HMGA2: variants seen among roughly 807,000 people sequenced by gnomAD.
The protein encoded by HMGA2 is high mobility group protein HMGI-C.
A neutral mutation model predicts 19.1 loss-of-function variants in HMGA2; 8 were observed. That is an observed-to-expected ratio of 0.42 (90% confidence interval 0.25 to 0.76). The LOEUF (loss-of-function observed/expected upper bound fraction) is 0.76, where lower values mean the gene tolerates loss of function less well. Ranked by LOEUF, HMGA2 falls within the 30% of genes least tolerant of loss-of-function variation. The pLI, the probability that HMGA2 is intolerant of heterozygous loss-of-function variation, is 0.28. For missense variants in HMGA2, 109 were observed against 136.3 expected, an observed-to-expected ratio of 0.80 and a Z score of 1.00; for synonymous variants, 60 against 48.8, an observed-to-expected ratio of 1.23 and a Z score of -0.96.
intron 3 of HMGA2, among the ~76,000 whole-genome samples, chr12:65,938,588 C>T (rs1363696732): frequency 1.3e-5 from 2 of 152,136 alleles, no homozygotes; most frequent in African/African-American, 2.4e-5. Flanking sequence ...TAACAACTCC[C>T]TTATTAGAGA....
At chr12:65,881,669 G>A (rs1299282356) in intron 3 of HMGA2, 9 of 690,056 alleles carry the variant, frequency 1.3e-5, no homozygotes, top group Non-Finnish European at 1.9e-5. Flanking sequence ...AGAGAGAGGG[G>A]AGAAATATGA....
At position 65,825,251 on chromosome 12, in the gene HMGA2, T is replaced by C. The variant is rs953990628; in HGVS notation, c.-20T>C. The C allele has an allele frequency of 1.6e-5, 25 of 1,522,382 alleles. No homozygotes were observed. Among genetic ancestry groups the C allele is most frequent in the Non-Finnish European group, 1.8e-5 (20 of 1,139,270 alleles). The allele number at this position is 1,522,382 out of a possible 1,614,324, so 94.3% of individuals were successfully genotyped here. A position where few individuals can be genotyped will look rare whatever the true frequency, so the allele number is the denominator to read the frequency against. On this transcript the variant is annotated 5_prime_UTR_variant, in exon 1 of 5. Coordinates refer to ENST00000403681, the MANE Select transcript of HMGA2 (RefSeq NM_003483.6). This position sits in a 1 kb window ranked among gnomAD's most constrained non-coding sequence, Gnocchi z 4.4. ...CGAGGCGAAGCGGCTGCAGCGGCGG[T>C]AGCGGCGGCGGGAGGCAGGATGAGC...
chr12:65,906,652 T>C (rs1874603889), intron 3 of HMGA2, among the ~76,000 whole-genome samples: 1 of 152,080 alleles, frequency 6.6e-6, no homozygotes, highest in African/African-American at 2.4e-5. Flanking sequence ...ATATTTTTGT[T>C]TGATGCTGAT....
intron 3 of HMGA2, among the ~76,000 whole-genome samples, chr12:65,845,995 T>TG (rs968814272): frequency 1.3e-5 from 2 of 152,104 alleles, no homozygotes; most frequent in African/African-American, 4.8e-5. Context: ...CTCCACCAGA[T>TG]GGGGGGCAGG....
chr12:65,892,209 G>A (rs1003200180), intron 3 of HMGA2, among the ~76,000 whole-genome samples: 2 of 152,160 alleles, frequency 1.3e-5, no homozygotes, highest in Non-Finnish European at 2.9e-5. Context: ...GATTCATACT[G>A]TACTCTCAAA....
chr12:65,850,488 A>G (rs1247918922), intron 3 of HMGA2, among the ~76,000 whole-genome samples: 1 of 152,040 alleles, frequency 6.6e-6, no homozygotes, highest in Non-Finnish European at 1.5e-5. Flanking sequence ...GCTTGGCCTT[A>G]CATAGTCACA....
chr12:65,931,272 C>T (rs1260577063), intron 3 of HMGA2, among the ~76,000 whole-genome samples: 1 of 152,116 alleles, frequency 6.6e-6, no homozygotes, highest in Admixed American at 6.5e-5. Flanking sequence ...TTTCTGCCCA[C>T]AGCCATTCTG....
chr12:65,939,741 A>T (rs1180772587), intron 3 of HMGA2, among the ~76,000 whole-genome samples: 1 of 152,240 alleles, frequency 6.6e-6, no homozygotes, highest in Non-Finnish European at 1.5e-5. Flanking sequence ...GGATGGTAAC[A>T]TTCTACAGAA....
In HMGA2 at chr12:65,964,305, G is replaced by A. The variant is rs918988447; in HGVS notation, c.*1013G>A. The A allele has an allele frequency of 1.4e-5, 3 of 214,654 alleles. No individual in the cohort carries two copies. Among genetic ancestry groups the A allele is most frequent in the Admixed American group, 6.0e-5 (1 of 16,678 alleles). The allele number at this position is 214,654 out of a possible 1,614,324, so 13.3% of individuals were successfully genotyped here. A position where few individuals can be genotyped will look rare whatever the true frequency, so the allele number is the denominator to read the frequency against. On this transcript the variant is annotated 3_prime_UTR_variant, in exon 5 of 5. Coordinates refer to ENST00000403681, the MANE Select transcript of HMGA2 (RefSeq NM_003483.6). ...TTAAAAAGCAAAAAAAAAAAAGGGGGGGGCAATCTCTCTCTGTGTCTTTCT... is the reference window on the plus strand; with the variant it reads ...TTAAAAAGCAAAAAAAAAAAAGGGGAGGGCAATCTCTCTCTGTGTCTTTCT...
intron 1 of HMGA2, chr12:65,826,622 A>T (rs1870208344): frequency 6.6e-6 from 1 of 152,112 alleles, no homozygotes; most frequent in Admixed American, 6.5e-5. Flanking sequence ...TCATCAAAGG[A>T]AACAAGCCGA....
At chr12:65,915,598 C>T in intron 3 of HMGA2, 1 of 1,030,412 alleles carries the variant, frequency 9.7e-7, no homozygotes, top group South Asian at 3.7e-5. Context: ...TTGGTATTTT[C>T]CTGTGTCTTT....
chr12:65,925,576 C>T lies in HMGA2; in HGVS notation c.250-25807C>T, dbSNP rs370401457. On this transcript the variant is annotated intron_variant, in intron 3 of 4. Transcript: ENST00000403681. ...TTCCTGTATATCTTTGTGTCTAATA[C>T]GGCACTTCAAACATAGTAGGCATTT... is the stretch of plus-strand genomic sequence containing the variant. Among the ~76,000 whole-genome samples the T allele has an allele frequency of 1.6e-4, 24 of 152,214 alleles. 3 individuals carry two copies. The highest frequency in any genetic ancestry group is 1.2e-3 in the Admixed American group (18 of 15,278).
intron 3 of HMGA2, among the ~76,000 whole-genome samples, chr12:65,889,125 G>A (rs867576861): frequency 6.6e-6 from 1 of 152,108 alleles, no homozygotes. Context: ...TATTAGTTGT[G>A]CCCATTTTAA....
chr12:65,829,036 C>T (rs927366140), intron 2 of HMGA2: 1 of 152,098 alleles, frequency 6.6e-6, no homozygotes, highest in Non-Finnish European at 1.5e-5. Flanking sequence ...AAAATCAGAA[C>T]TAAATTTGGA....
In HMGA2 at chr12:65,846,350, T is replaced by A. The variant is rs553099346; in HGVS notation, c.249+7781T>A. Among the ~76,000 whole-genome samples, 7 of 152,308 alleles carry A rather than the reference T, an allele frequency of 4.6e-5. No individual in the cohort carries two copies. In the South Asian group the frequency reaches 1.2e-3, roughly 27 times the overall value. On this transcript the variant is annotated intron_variant, in intron 3 of 4. Coordinates refer to ENST00000403681, the MANE Select transcript of HMGA2 (RefSeq NM_003483.6). ...TCAGATTCAGAAGAATGGCATCAAA[T>A]CTATGCTTACATTAGACTCAGGTTG...
chr12:65,926,122 G>A (rs1216636211), intron 3 of HMGA2, among the ~76,000 whole-genome samples: 2 of 152,174 alleles, frequency 1.3e-5, no homozygotes, highest in African/African-American at 4.8e-5. Context: ...GCCAACCCCA[G>A]ACAATCAAAA....
chr12:65,829,798 G>A (rs530853700), intron 2 of HMGA2, among the ~76,000 whole-genome samples: 46 of 152,106 alleles, frequency 3.0e-4, no homozygotes, highest in African/African-American at 1.1e-3. Flanking sequence ...AACAAAATTT[G>A]TATTGAGAAA....
chr12:65,903,687 T>A (rs187689478), intron 3 of HMGA2, among the ~76,000 whole-genome samples: 1 of 152,290 alleles, frequency 6.6e-6, no homozygotes, highest in Non-Finnish European at 1.5e-5. Flanking sequence ...AAACACTGTA[T>A]CCGTGGACCT....
In HMGA2 at chr12:65,928,843, C is replaced by T. The variant is rs183824463; in HGVS notation, c.250-22540C>T. Among the ~76,000 whole-genome samples, 355 of 152,146 alleles carry T rather than the reference C, an allele frequency of 2.3e-3. 1 individual carries two copies. The highest frequency in any genetic ancestry group is 3.9e-3 in the Non-Finnish European group (263 of 68,012). On this transcript the variant is annotated intron_variant, in intron 3 of 4. Transcript: ENST00000403681. ...ATATGCAGTTCATTGTTGAGTGAAA[C>T]GTCATTATGTGGTGCATGGCTGTAT...
Sources: allele counts gnomAD v4.1 joint callset (sites outside exome capture counted in the v4.1 genomes callset), GRCh38; gene constraint gnomAD v4.1.1; non-coding constraint Gnocchi (gnomAD v3.1); transcripts MANE v1.5; gene names NCBI Gene and HGNC (gene_info 2026-07-23, HGNC 2026-07-21).